NKAIN2: variants seen among roughly 807,000 people sequenced by gnomAD.
NKAIN2 encodes sodium/potassium-transporting ATPase subunit beta-1-interacting protein 2.
NKAIN2 carries 14 observed loss-of-function variants against 32.6 expected under a neutral mutation model. The ratio of observed to expected loss-of-function variants is 0.43; its 90% confidence interval spans 0.28 to 0.67. NKAIN2 has a LOEUF of 0.67. Ranked by LOEUF, NKAIN2 falls within the 30% of genes least tolerant of loss-of-function variation. NKAIN2 has a pLI of 0.17. For synonymous variants in NKAIN2, 80 were observed against 87.2 expected (o/e 0.92, Z 0.46); for missense variants, 198 against 258.3 (o/e 0.77, Z 1.60).
chr6:124,364,502 A>T (rs941884039), intron 3 of NKAIN2, among the ~76,000 whole-genome samples: 1 of 152,024 alleles, frequency 6.6e-6, no homozygotes, highest in African/African-American at 2.4e-5. Context: ...CAAAGAGAAG[A>T]TTATAAGAGG....
intron 3 of NKAIN2, among the ~76,000 whole-genome samples, chr6:124,495,818 GGT>G (rs1778041423): frequency 6.6e-6 from 1 of 152,050 alleles, no homozygotes; most frequent in Admixed American, 6.6e-5. Flanking sequence ...TTCCACCAGG[GGT>G]AGAGCCAACC....
At chr6:124,693,621 G>T (rs76549458) in intron 4 of NKAIN2, among the ~76,000 whole-genome samples, 2 of 152,288 alleles carry the variant, frequency 1.3e-5, no homozygotes, top group South Asian at 2.1e-4. Context: ...TGAAGGTGAG[G>T]TACTTCTGTC....
intron 3 of NKAIN2, among the ~76,000 whole-genome samples, chr6:124,423,059 C>A (rs190537280): frequency 6.6e-6 from 1 of 152,298 alleles, no homozygotes; most frequent in East Asian, 1.9e-4. Context: ...CATTTCACAT[C>A]TAAATAGTTT....
intron 4 of NKAIN2, among the ~76,000 whole-genome samples, chr6:124,748,862 A>AAAAGAAGCG (rs1171568171): frequency 2.0e-5 from 3 of 151,254 alleles, no homozygotes; most frequent in African/African-American, 7.3e-5. Context: ...TTAAAAAAAA[A>AAAAGAAGCG]AAGAAGTGTG....
intron 1 of NKAIN2, among the ~76,000 whole-genome samples, chr6:124,249,170 A>G (rs192919160): frequency 6.6e-6 from 1 of 152,134 alleles, no homozygotes; most frequent in East Asian, 1.9e-4. Context: ...CTGTGTTACT[A>G]TGTAGCCACA....
intron 4 of NKAIN2, among the ~76,000 whole-genome samples, chr6:124,776,488 G>T (rs1161670747): frequency 1.3e-5 from 2 of 152,178 alleles, no homozygotes; most frequent in Non-Finnish European, 2.9e-5. Context: ...TCGTGAGGAA[G>T]TACATCATCA....
At chr6:124,100,585 A>T (rs1293248686) in intron 1 of NKAIN2, among the ~76,000 whole-genome samples, 1 of 152,220 alleles carries the variant, frequency 6.6e-6, no homozygotes, top group Non-Finnish European at 1.5e-5. Flanking sequence ...ATGCGATTGT[A>T]TCAATATTAA....
At chr6:124,620,814 T>TA in intron 3 of NKAIN2, among the ~76,000 whole-genome samples, 1 of 152,124 alleles carries the variant, frequency 6.6e-6, no homozygotes, top group Non-Finnish European at 1.5e-5. Context: ...CTACCCAAGC[T>TA]AAAAAGATAT....
At chr6:124,525,518 A>C (rs1779278114) in intron 3 of NKAIN2, among the ~76,000 whole-genome samples, 1 of 152,126 alleles carries the variant, frequency 6.6e-6, no homozygotes, top group African/African-American at 2.4e-5. Flanking sequence ...ATAACTTAGT[A>C]AGGGGCAGAA....
intron 5 of NKAIN2, among the ~76,000 whole-genome samples, chr6:124,806,114 G>A (rs7309666): frequency 0.082 from 12,409 of 152,098 alleles, 664 homozygotes; most frequent in South Asian, 0.16. Context: ...GCAGGCCAAC[G>A]TTCAGATTCA....
chr6:123,821,467 C>T (rs1265094102), intron 1 of NKAIN2, among the ~76,000 whole-genome samples: 1 of 152,072 alleles, frequency 6.6e-6, no homozygotes, highest in East Asian at 1.9e-4. Flanking sequence ...TTTGATTTGG[C>T]ATTTGACTTT....
At chr6:123,931,860 A>G (rs1409365093) in intron 1 of NKAIN2, among the ~76,000 whole-genome samples, 1 of 152,216 alleles carries the variant, frequency 6.6e-6, no homozygotes, top group Non-Finnish European at 1.5e-5. Flanking sequence ...AAAAATGAGC[A>G]GTACCCTTGC....
chr6:124,523,446 G>A (rs1779198345), intron 3 of NKAIN2, among the ~76,000 whole-genome samples: 1 of 151,868 alleles, frequency 6.6e-6, no homozygotes. Flanking sequence ...TGTGTAAGAT[G>A]CCATTTTCGC....
At chr6:124,423,566 A>G (rs1435542058) in intron 3 of NKAIN2, among the ~76,000 whole-genome samples, 2 of 152,208 alleles carry the variant, frequency 1.3e-5, no homozygotes, top group Non-Finnish European at 2.9e-5. Context: ...TGGAACCCCA[A>G]ATGCATATGT....
At chr6:123,846,347 C>T (rs1468485599) in intron 1 of NKAIN2, among the ~76,000 whole-genome samples, 2 of 152,180 alleles carry the variant, frequency 1.3e-5, no homozygotes, top group Admixed American at 1.3e-4. Context: ...TGCCTCAGTT[C>T]TTAAAAAGTG....
chr6:124,784,950 C>A (rs1247375047), intron 4 of NKAIN2, among the ~76,000 whole-genome samples: 2 of 152,046 alleles, frequency 1.3e-5, no homozygotes, highest in Non-Finnish European at 2.9e-5. Context: ...GTTCACTAAG[C>A]TTTTGGAATT....
In NKAIN2 at chr6:124,780,186, T is replaced by A. The variant is rs181049700; in HGVS notation, c.475-11153T>A. ...TGTGGCCTGGTGGGTGGTGTAAGGG[T>A]TGGGAGAGTGGTGAGGATGAAAGGC... On this transcript the variant is annotated intron_variant, in intron 4 of 6. Transcript: ENST00000368417. 2.6e-5 allele frequency among the ~76,000 whole-genome samples: 4 copies of A among 152,034 alleles called. No homozygotes were observed. In the East Asian group the frequency reaches 5.8e-4, roughly 22 times the overall value.
At position 124,121,668 on chromosome 6, in the gene NKAIN2, A is replaced by T. The variant is rs565231608; in HGVS notation, c.55-161337A>T. ...CAGATGTAGGGGTTGATACAATGAA[A>T]GAAAAAGATAAGTTTTTCTAGGTAG... On this transcript the variant is annotated intron_variant, in intron 1 of 6. Coordinates refer to ENST00000368417, the MANE Select transcript of NKAIN2 (RefSeq NM_001040214.3). Among the ~76,000 whole-genome samples the T allele has an allele frequency of 2.0e-5, 3 of 152,238 alleles. No individual in the cohort carries two copies. In the East Asian group the frequency reaches 5.8e-4, roughly 29 times the overall value.
intron 3 of NKAIN2, among the ~76,000 whole-genome samples, chr6:124,388,646 T>C (rs1192412700): frequency 6.6e-6 from 1 of 152,162 alleles, no homozygotes; most frequent in African/African-American, 2.4e-5. Context: ...TAAAATTTTC[T>C]ATAGCCTCAG....
Sources: gnomAD v4.1 joint callset for allele counts (sites outside exome capture counted in the v4.1 genomes callset) on GRCh38, gnomAD v4.1.1 for gene constraint, MANE v1.5 for transcripts, NCBI Gene and HGNC (gene_info 2026-07-23, HGNC 2026-07-21) for gene names.